POM121: variants seen among roughly 807,000 people sequenced by gnomAD.
POM121 encodes the protein nuclear envelope pore membrane protein POM 121.
A neutral mutation model predicts 81.3 loss-of-function variants in POM121; 32 were observed. The observed-to-expected ratio is 0.39, with a 90% CI of 0.30 to 0.53. POM121 has a LOEUF of 0.53. Ranked by LOEUF, POM121 falls within the 20% of genes least tolerant of loss-of-function variation. The pLI is 0.66. For missense variants in POM121, 1,138 were observed against 1,614.6 expected, an observed-to-expected ratio of 0.70 and a Z score of 5.06; for synonymous variants, 514 against 694.2, an observed-to-expected ratio of 0.74 and a Z score of 4.08.
At chr7:72,946,030 A>G in intron 12 of POM121, 107 bp from the exon 13 acceptor site, 1 of 1,490,702 alleles carries the variant, frequency 6.7e-7, no homozygotes, top group Non-Finnish European at 8.9e-7. Flanking sequence ...AGCCCTATTG[A>G]GGCACCCTGT....
In POM121 at chr7:72,925,283, A is replaced by G. The variant is rs1395757895; in HGVS notation, c.162A>G (p.Ala54=). 2.6e-6 allele frequency: 4 copies of G among 1,534,402 alleles called. No individual in the cohort carries two copies. The highest frequency in any genetic ancestry group is 2.7e-5 in the African/African-American group (2 of 72,938). ...TGTACCTCGTGCCGGCTGCGGCTGC[A>G]CTGGCCTGGCTGACCGTGGGGGCTA... is the stretch of plus-strand genomic sequence containing the variant. The part of the protein sequence containing the change: ...LLLYLVPAAA[A]LAWLTVGATA... Residue 54 remains alanine (A), a synonymous_variant, in exon 1 of 13, where the codon GCA becomes GCG. Coordinates refer to ENST00000434423, the MANE Select transcript of POM121 (RefSeq NM_001387691.1).
chr7:72,882,830 T>G (rs1586054614), intron 1 of POM121, among the ~76,000 whole-genome samples: 1 of 152,342 alleles, frequency 6.6e-6, no homozygotes, highest in East Asian at 1.9e-4. Context: ...CTTTGCTAAG[T>G]CAGTCAGTAA....
At chr7:72,922,640 C>T (rs1233466977), upstream of POM121, among the ~76,000 whole-genome samples, 2 of 152,066 alleles carry the variant, frequency 1.3e-5, no homozygotes, top group Non-Finnish European at 2.9e-5. Flanking sequence ...GATCCGCCCA[C>T]CTTGGCCTCC....
rs551480765 is a variant in POM121, at chr7:72,879,389, C to G, written c.-1017C>G. On this transcript the variant is annotated 5_prime_UTR_variant, in exon 1 of 16. Coordinates refer to the POM121 transcript ENST00000395270. ...TCGCTTCCTGCGCCTCTTCAGGTCA[C>G]CGCTTGCTCTAGTTCCCAGGCTTTG... 5.8e-4 allele frequency: 111 copies of G among 190,874 alleles called. 1 individual carries two copies. The highest frequency in any genetic ancestry group is 4.3e-5 in the Non-Finnish European group (4 of 93,358). 11.8% of individuals were successfully genotyped at this position (190,874 alleles called of 1,614,324 possible).
chr7:72,887,028 C>G (rs1174271459), intron 1 of POM121, among the ~76,000 whole-genome samples: 7 of 151,758 alleles, frequency 4.6e-5, no homozygotes, highest in Non-Finnish European at 5.9e-5. Context: ...TATTAGGCCA[C>G]TTGAAATTTT....
At chr7:72,921,100 C>T (rs1451834367), upstream of POM121, among the ~76,000 whole-genome samples, 1 of 152,116 alleles carries the variant, frequency 6.6e-6, no homozygotes, top group African/African-American at 2.4e-5. Context: ...AGGAGAATCG[C>T]TTGAACCTGG....
At position 72,947,948 on chromosome 7, in the gene POM121, C is replaced by G. The variant is rs1554503686; in HGVS notation, c.*1714C>G. On this transcript the variant is annotated 3_prime_UTR_variant, in exon 13 of 13. Transcript: ENST00000434423. The stretch of plus-strand genomic sequence containing the variant: ...CGTTAATACCTGGCTGCGTGTGCAG[C>G]TGAGGAGGGAGTGAACCTCAAGCCT... 3.8e-6 allele frequency: 4 copies of G among 1,051,824 alleles called. No individual in the cohort carries two copies. Among genetic ancestry groups the G allele is most frequent in the Non-Finnish European group, 4.6e-6 (4 of 869,550 alleles). The allele number at this position is 1,051,824 out of a possible 1,614,324, so 65.2% of individuals were successfully genotyped here. A position where few individuals can be genotyped will look rare whatever the true frequency, so the allele number is the denominator to read the frequency against.
intron 3 of POM121, among the ~76,000 whole-genome samples, chr7:72,909,479 ATGTAGT>A (rs1563143941): frequency 6.6e-6 from 1 of 152,216 alleles, no homozygotes; most frequent in Non-Finnish European, 1.5e-5. Context: ...ATGAGGCTGT[ATGTAGT>A]TCCTGTATAA....
At chr7:72,895,734 A>G (rs1231982289) in intron 3 of POM121, among the ~76,000 whole-genome samples, 2 of 151,856 alleles carry the variant, frequency 1.3e-5, no homozygotes, top group Non-Finnish European at 2.9e-5. Flanking sequence ...ACCCTGGCCA[A>G]CCCGTCTCTA....
chr7:72,922,725 A>G (rs376581901), upstream of POM121, among the ~76,000 whole-genome samples: 19 of 152,100 alleles, frequency 1.2e-4, no homozygotes, highest in East Asian at 1.7e-3. Context: ...ATATTTATCT[A>G]TATTTTCCTA....
intron 3 of POM121, among the ~76,000 whole-genome samples, chr7:72,897,664 A>G (rs1204916982): frequency 3.3e-5 from 5 of 152,208 alleles, no homozygotes; most frequent in African/African-American, 1.2e-4. Flanking sequence ...AGGCAAAACA[A>G]GCCAGAGGTA....
chr7:72,905,393 G>A (rs1793139605), intron 3 of POM121, among the ~76,000 whole-genome samples: 1 of 152,096 alleles, frequency 6.6e-6, no homozygotes, highest in African/African-American at 2.4e-5. Context: ...TATGATTTCA[G>A]TTATTTTACA....
chr7:72,900,035 G>C (rs1792439989), intron 3 of POM121, among the ~76,000 whole-genome samples: 1 of 152,162 alleles, frequency 6.6e-6, no homozygotes, highest in Non-Finnish European at 1.5e-5. Flanking sequence ...CAGAATATTA[G>C]GCATCACTCC....
intron 5 of POM121, among the ~76,000 whole-genome samples, chr7:72,932,592 A>G (rs1554498799): frequency 1.3e-5 from 2 of 152,218 alleles, no homozygotes; most frequent in African/African-American, 4.8e-5. Flanking sequence ...TCCCAGGTCA[A>G]AGGTTAAATG....
At chr7:72,926,520 A>G in intron 2 of POM121, 43 bp downstream of exon 2, 2 of 1,609,896 alleles carry the variant, frequency 1.2e-6, no homozygotes, top group Non-Finnish European at 1.7e-6. Flanking sequence ...TTTCGTGTCC[A>G]CTTTATTCTT....
intron 1 of POM121, among the ~76,000 whole-genome samples, chr7:72,881,631 T>C (rs1554489316): frequency 6.6e-6 from 1 of 151,928 alleles, no homozygotes; most frequent in African/African-American, 2.4e-5. Context: ...GATTCATACT[T>C]TTTTTTTCTT....
At chr7:72,893,132 A>G (rs1472962187) in intron 3 of POM121, among the ~76,000 whole-genome samples, 2 of 151,754 alleles carry the variant, frequency 1.3e-5, no homozygotes, top group Non-Finnish European at 2.9e-5. Context: ...CTATTTTTGT[A>G]TTTTTAGTAG....
In POM121 at chr7:72,943,492, A is replaced by G. The variant is rs782474876; in HGVS notation, c.3499A>G (p.Ser1167Gly). 1 of 1,612,518 alleles carries G rather than the reference A, an allele frequency of 6.2e-7. No individual in the cohort carries two copies. ...QSTPFAFNVSSTTESKPVFGG... is the reference protein window; with the variant it reads ...QSTPFAFNVSGTTESKPVFGG... ...CACACCGTTTGCCTTCAACGTGAGCAGCACAACTGAGAGCAAACCTGTGTT... is the reference window on the plus strand; with the variant it reads ...CACACCGTTTGCCTTCAACGTGAGCGGCACAACTGAGAGCAAACCTGTGTT... The change falls in exon 11 of 13, where the codon AGC (serine) becomes GGC (glycine). Residue 1167 changes from serine (S) to glycine (G), a missense_variant. Ser to Gly is a moderately conservative substitution (Grantham distance 56). Transcript: ENST00000434423.
At chr7:72,935,239 C>T (rs1406762902) in intron 5 of POM121, among the ~76,000 whole-genome samples, 91 of 152,082 alleles carry the variant, frequency 6.0e-4, no homozygotes, top group South Asian at 1.5e-3. Context: ...GTGACATGAT[C>T]ATAGCTCACT....
Sources: allele counts gnomAD v4.1 joint callset (sites outside exome capture counted in the v4.1 genomes callset), GRCh38; gene constraint gnomAD v4.1.1; transcripts MANE v1.5; gene names NCBI Gene and HGNC (gene_info 2026-07-23, HGNC 2026-07-21).